Variants in CEACAM3 observed in about 807,000 individuals in gnomAD.
CEACAM3 encodes the protein cell adhesion molecule CEACAM3.
In CEACAM3, 32 loss-of-function variants were observed where a neutral mutation model predicts 30.1. That is an observed-to-expected ratio of 1.06 (90% CI 0.80 to 1.43). CEACAM3 has a LOEUF of 1.43. Ranked by LOEUF, CEACAM3 falls within the 40% of genes most tolerant of loss-of-function variation. CEACAM3 has a pLI of 0.00. For synonymous variants in CEACAM3, 134 were observed against 127.2 expected, an observed-to-expected ratio of 1.05 and a Z score of -0.36; for missense variants, 290 against 316.3, an observed-to-expected ratio of 0.92 and a Z score of 0.63.
At chr19:41,803,269 A>G (rs1555826223) in intron 2 of CEACAM3, among the ~76,000 whole-genome samples, 3 of 152,120 alleles carry the variant, frequency 2.0e-5, no homozygotes, top group Admixed American at 6.6e-5. Context: ...AACCAAAAGA[A>G]ATGCTAGAGA....
intron 2 of CEACAM3, among the ~76,000 whole-genome samples, chr19:41,808,329 G>A (rs1430679806): frequency 6.6e-6 from 1 of 152,228 alleles, no homozygotes; most frequent in Non-Finnish European, 1.5e-5. Flanking sequence ...CTCTGCAGCT[G>A]GGGGTGATGC....
chr19:41,797,882 T>C lies in CEACAM3; in HGVS notation c.358T>C (p.Tyr120His), dbSNP rs1260539150. 1 of 1,613,802 alleles carries C rather than the reference T, an allele frequency of 6.2e-7. No homozygotes were observed. The highest frequency in any genetic ancestry group is 8.5e-7 in the Non-Finnish European group (1 of 1,179,946). ...QNVTQNDIGF[Y>H]TLQVIKSDLV... ...TGTCACCCAGAATGACATAGGATTCTACACCCTACAAGTCATAAAGTCAGA... is the reference window on the plus strand; with the variant it reads ...TGTCACCCAGAATGACATAGGATTCCACACCCTACAAGTCATAAAGTCAGA... Residue 120 changes from tyrosine (Y) to histidine (H), a missense_variant, in exon 2 of 7, where the codon TAC becomes CAC. Transcript: ENST00000357396.
chr19:41,800,494 A>C (rs1800563008), intron 2 of CEACAM3, among the ~76,000 whole-genome samples: 1 of 152,006 alleles, frequency 6.6e-6, no homozygotes, highest in Admixed American at 6.6e-5. Context: ...AGTCAGGTCC[A>C]CTCGCAGTTA....
chr19:41,801,836 A>G (rs1555826009), intron 2 of CEACAM3, among the ~76,000 whole-genome samples: 3 of 152,162 alleles, frequency 2.0e-5, no homozygotes, highest in South Asian at 4.1e-4. Context: ...CAATAGTGAT[A>G]TTATCTATGG....
At chr19:41,806,994 G>A in intron 2 of CEACAM3, 3 of 1,535,856 alleles carry the variant, frequency 2.0e-6, no homozygotes, top group Non-Finnish European at 2.6e-6. Context: ...GCCTTGTCTT[G>A]GTCTTTTAAG....
intron 4 of CEACAM3, 67 bp from the exon 5 acceptor site, chr19:41,810,256 A>G: frequency 1.3e-6 from 2 of 1,552,414 alleles, no homozygotes; most frequent in Non-Finnish European, 8.8e-7. Flanking sequence ...AGGACCCCCT[A>G]CGCCTTCCTG....
chr19:41,801,588 A>T (rs1406182000), intron 2 of CEACAM3, among the ~76,000 whole-genome samples: 1 of 152,210 alleles, frequency 6.6e-6, no homozygotes, highest in African/African-American at 2.4e-5. Flanking sequence ...GCCTCCCTGG[A>T]GGCTTGAGAT....
intron 2 of CEACAM3, among the ~76,000 whole-genome samples, chr19:41,808,143 A>T (rs1248491197): frequency 2.7e-5 from 4 of 150,826 alleles, no homozygotes; most frequent in Admixed American, 2.6e-4. Flanking sequence ...CAAATCCCAA[A>T]CTCTACCCTG....
At chr19:41,803,492 A>T in intron 2 of CEACAM3, among the ~76,000 whole-genome samples, 2 of 96,114 alleles carry the variant, frequency 2.1e-5, no homozygotes, top group Non-Finnish European at 2.5e-5. Flanking sequence ...TTTGAGACAG[A>T]GTCTCGCTCT....
chr19:41,809,790 C>T, intron 3 of CEACAM3, 175 bp from the exon 4 acceptor site: 1 of 674,256 alleles, frequency 1.5e-6, no homozygotes, highest in Non-Finnish European at 2.7e-6. Context: ...GATGTGGGTT[C>T]CTAAAGCCTT....
At chr19:41,808,513 G>A (rs2123020093) in intron 2 of CEACAM3, among the ~76,000 whole-genome samples, 1 of 152,326 alleles carries the variant, frequency 6.6e-6, no homozygotes, top group South Asian at 2.1e-4. Flanking sequence ...TGGAAAAGGA[G>A]AAACAGAGGG....
At position 41,811,377 on chromosome 19, in the gene CEACAM3, G is replaced by A. The variant is rs2073249435; in HGVS notation, c.*140G>A. The A allele has an allele frequency of 4.2e-6, 3 of 709,236 alleles. No homozygotes were observed. Among genetic ancestry groups the A allele is most frequent in the Non-Finnish European group, 7.3e-6 (3 of 411,580 alleles). The allele number at this position is 709,236 out of a possible 1,614,324, so 43.9% of individuals were successfully genotyped here. ...ACACTGGTGTCTGGGGGCAGGGAGG[G>A]ATGGGGGTCCCTGATGAATATCTGG... On this transcript the variant is annotated 3_prime_UTR_variant, in exon 7 of 7. Transcript: ENST00000357396.
In CEACAM3 at chr19:41,810,876, G is replaced by A; in HGVS notation, c.672G>A (p.Arg224=). Residue 224 remains arginine, a synonymous_variant, in exon 6 of 7, where the codon AGG becomes AGA. Transcript: ENST00000357396. ...CCCAGGCCCCCCTACCCAACCCCAG[G>A]ACAGCAGCTTCCATCTATGAGGTGA... is the stretch of plus-strand genomic sequence containing the variant. ...STAQAPLPNP[R]TAASIYEELL... is the part of the protein sequence containing the mutation. 6 of 1,613,720 alleles carry A rather than the reference G, an allele frequency of 3.7e-6. No homozygotes were observed. Among genetic ancestry groups the A allele is most frequent in the Middle Eastern group, 3.3e-4 (2 of 6,054 alleles).
intron 2 of CEACAM3, among the ~76,000 whole-genome samples, chr19:41,800,030 C>T (rs183343975): frequency 7.7e-4 from 117 of 152,228 alleles, no homozygotes; most frequent in African/African-American, 2.5e-3. Context: ...AGACCAAGGA[C>T]ACGAGCTGTT....
intron 2 of CEACAM3, among the ~76,000 whole-genome samples, chr19:41,808,062 C>A (rs1156373170): frequency 6.6e-6 from 1 of 152,180 alleles, no homozygotes; most frequent in African/African-American, 2.4e-5. Context: ...GGCCCTGAGC[C>A]CTGGGTAAAG....
At chr19:41,807,235 G>A in intron 2 of CEACAM3, 4 of 1,609,426 alleles carry the variant, frequency 2.5e-6, no homozygotes, top group Non-Finnish European at 3.4e-6. Context: ...TAAATGGTCA[G>A]AGCCTCCCGG....
At position 41,797,782 on chromosome 19, in the gene CEACAM3, T is replaced by A; in HGVS notation, c.258T>A (p.Thr86=). Residue 86 remains threonine, a synonymous_variant, in exon 2 of 7, where the codon ACT becomes ACA. Transcript: ENST00000357396. ...NSLIVGYVIG[T]QQATPGAAYS... is the part of the protein sequence containing the mutation. ...TAATTGTAGGATATGTAATAGGAACTCAACAAGCTACCCCAGGGGCCGCAT... is the reference window on the plus strand; with the variant it reads ...TAATTGTAGGATATGTAATAGGAACACAACAAGCTACCCCAGGGGCCGCAT... The A allele has an allele frequency of 6.2e-7, 1 of 1,612,026 alleles. No individual in the cohort carries two copies. Among genetic ancestry groups the A allele is most frequent in the Non-Finnish European group, 8.5e-7 (1 of 1,179,958 alleles).
chr19:41,798,189 A>AG (rs1555825553), intron 2 of CEACAM3, among the ~76,000 whole-genome samples: 3 of 152,210 alleles, frequency 2.0e-5, no homozygotes, highest in Non-Finnish European at 4.4e-5. Flanking sequence ...GGGACTCAGC[A>AG]GGGCAAGGTC....
intron 4 of CEACAM3, 24 bp downstream of exon 4, chr19:41,810,041 G>A: frequency 6.2e-7 from 1 of 1,611,294 alleles, no homozygotes; most frequent in Non-Finnish European, 8.5e-7. Flanking sequence ...CAGCCCAGGT[G>A]TGGCTGGGAA....
Sources: gnomAD v4.1 joint callset for allele counts (sites outside exome capture counted in the v4.1 genomes callset) on GRCh38, gnomAD v4.1.1 for gene constraint, MANE v1.5 for transcripts, NCBI Gene and HGNC (gene_info 2026-07-23, HGNC 2026-07-21) for gene names.